Variants in CTNNA2 observed in about 807,000 individuals in gnomAD.
CTNNA2 encodes catenin alpha 2.
Under a neutral mutation model 101.0 loss-of-function variants are expected in CTNNA2, and 42 were observed. The observed-to-expected ratio is 0.42, with a 90% CI of 0.32 to 0.54. CTNNA2 has a LOEUF of 0.54. Among genes scored for constraint, CTNNA2 ranks in the 20% least tolerant of loss-of-function variants. The pLI is 0.14. For missense variants in CTNNA2, 871 were observed against 1,223.1 expected, an observed-to-expected ratio of 0.71 and a Z score of 4.29; for synonymous variants, 450 against 456.4, an observed-to-expected ratio of 0.99 and a Z score of 0.18.
At chr2:80,024,443 G>A (rs1266726740) in intron 7 of CTNNA2, among the ~76,000 whole-genome samples, 1 of 152,190 alleles carries the variant, frequency 6.6e-6, no homozygotes, top group Non-Finnish European at 1.5e-5. Flanking sequence ...GGGGTGTCAG[G>A]CAGAGGGCAC....
At chr2:79,570,956 G>A (rs773588575) in intron 1 of CTNNA2, among the ~76,000 whole-genome samples, 6 of 152,132 alleles carry the variant, frequency 3.9e-5, no homozygotes, top group Non-Finnish European at 5.9e-5. Flanking sequence ...TGATGTGCCT[G>A]CTATTGAGTT....
intron 2 of CTNNA2, among the ~76,000 whole-genome samples, chr2:79,292,008 A>G (rs958308931): frequency 2.2e-4 from 33 of 152,056 alleles, no homozygotes; most frequent in African/African-American, 7.7e-4. Context: ...TTTGGGGGGT[A>G]GAGCTCACCT....
chr2:79,428,205 C>G (rs1201464613), intron 4 of CTNNA2, among the ~76,000 whole-genome samples: 1 of 151,630 alleles, frequency 6.6e-6, no homozygotes, highest in Non-Finnish European at 1.5e-5. Context: ...CTTTGTGTTC[C>G]TTGATCCATG....
chr2:79,311,623 T>G (rs1209066415), intron 2 of CTNNA2, among the ~76,000 whole-genome samples: 1 of 152,042 alleles, frequency 6.6e-6, no homozygotes, highest in Non-Finnish European at 1.5e-5. Flanking sequence ...AATTCAGAGT[T>G]GACCCTTTCT....
intron 18 of CTNNA2, among the ~76,000 whole-genome samples, chr2:80,633,138 G>A (rs1489761899): frequency 1.3e-5 from 2 of 152,102 alleles, no homozygotes; most frequent in Non-Finnish European, 1.5e-5. Flanking sequence ...ATATGTATTA[G>A]GTTCTTATAA....
intron 4 of CTNNA2, among the ~76,000 whole-genome samples, chr2:79,449,679 T>C (rs1396515189): frequency 1.3e-5 from 2 of 152,036 alleles, no homozygotes. Flanking sequence ...AAACTTCCAT[T>C]TCTGTTTCAC....
intron 1 of CTNNA2, among the ~76,000 whole-genome samples, chr2:79,537,951 C>T (rs2103972009): frequency 6.6e-6 from 1 of 152,118 alleles, no homozygotes; most frequent in South Asian, 2.1e-4. Context: ...ACTTCAGTTT[C>T]CTTCATTTAG....
At chr2:80,125,714 C>T (rs1276401956) in intron 7 of CTNNA2, among the ~76,000 whole-genome samples, 1 of 152,170 alleles carries the variant, frequency 6.6e-6, no homozygotes, top group Non-Finnish European at 1.5e-5. Flanking sequence ...GCCATTTCTG[C>T]TCTAGTGCCT....
intron 11 of CTNNA2, among the ~76,000 whole-genome samples, chr2:80,551,526 T>C (rs768795018): frequency 2.6e-5 from 4 of 152,246 alleles, no homozygotes; most frequent in African/African-American, 7.2e-5. Flanking sequence ...ACAGGTTCTA[T>C]CTACATCAGC....
chr2:80,452,352 A>G (rs574280304), intron 9 of CTNNA2, among the ~76,000 whole-genome samples: 2 of 151,812 alleles, frequency 1.3e-5, no homozygotes, highest in African/African-American at 4.9e-5. Flanking sequence ...GGTACCATAA[A>G]CATGGATGAG....
intron 3 of CTNNA2, among the ~76,000 whole-genome samples, chr2:79,813,631 T>C (rs1677223562): frequency 6.6e-6 from 1 of 152,116 alleles, no homozygotes; most frequent in African/African-American, 2.4e-5. Context: ...GAGGTCTGGA[T>C]TGGTGGTACA....
At chr2:80,371,666 G>C (rs1170864530) in intron 7 of CTNNA2, among the ~76,000 whole-genome samples, 4 of 151,806 alleles carry the variant, frequency 2.6e-5, no homozygotes, top group African/African-American at 9.7e-5. Flanking sequence ...CAATGTTATT[G>C]AATAAAATGA....
intron 6 of CTNNA2, among the ~76,000 whole-genome samples, chr2:79,905,122 A>G (rs1013527881): frequency 1.3e-5 from 2 of 152,132 alleles, no homozygotes; most frequent in African/African-American, 4.8e-5. Flanking sequence ...ATGCATTCCA[A>G]TTGCCACTCC....
rs921144323 is a variant in CTNNA2, at chr2:79,417,325, T to C, written c.-135+43312T>C. On this transcript the variant is annotated intron_variant, in intron 4 of 21. Coordinates refer to the CTNNA2 transcript ENST00000466387. Reference sequence around the variant, plus strand: ...ACTGGGAATAAAAACATTACTAAGATTGGAAGCAAATCTTTTTGTAAGATT... The same window carrying C: ...ACTGGGAATAAAAACATTACTAAGACTGGAAGCAAATCTTTTTGTAAGATT... Among the ~76,000 whole-genome samples the C allele has an allele frequency of 2.0e-5, 3 of 152,130 alleles. No individual in the cohort carries two copies. In the East Asian group the frequency reaches 5.8e-4, roughly 29 times the overall value.
At chr2:80,623,266 A>G (rs1445798566) in intron 18 of CTNNA2, among the ~76,000 whole-genome samples, 1 of 151,858 alleles carries the variant, frequency 6.6e-6, no homozygotes, top group Non-Finnish European at 1.5e-5. Flanking sequence ...TAGAATTAGC[A>G]TGGAAAACAA....
intron 4 of CTNNA2, among the ~76,000 whole-genome samples, chr2:79,414,604 T>C (rs1678455964): frequency 6.6e-6 from 1 of 152,138 alleles, no homozygotes; most frequent in South Asian, 2.1e-4. Flanking sequence ...GACCTTGAGT[T>C]GTGGCAGGCT....
intron 4 of CTNNA2, among the ~76,000 whole-genome samples, chr2:79,467,945 C>A (rs1573180042): frequency 6.6e-6 from 1 of 152,126 alleles, no homozygotes; most frequent in Non-Finnish European, 1.5e-5. Context: ...TAAAGACCAT[C>A]AATGCTAAGA....
intron 2 of CTNNA2, among the ~76,000 whole-genome samples, chr2:79,677,519 A>C (rs1683267291): frequency 6.6e-6 from 1 of 152,196 alleles, no homozygotes; most frequent in Non-Finnish European, 1.5e-5. Flanking sequence ...ACACACGTTA[A>C]TATTTTAAAC....
chr2:80,043,077 TTCTTTCTTTCTTTCTTTCTCTC>T (rs1364791077), intron 7 of CTNNA2, among the ~76,000 whole-genome samples: 570 of 52,882 alleles, frequency 0.011, 5 homozygotes, highest in African/African-American at 0.04. Flanking sequence ...CTTTCTTTCT[TTCTTTCTTTCTTTCTTTCTCTC>T]TCTCTCTCTC....
Sources: gnomAD v4.1 joint callset for allele counts (sites outside exome capture counted in the v4.1 genomes callset) on GRCh38, gnomAD v4.1.1 for gene constraint, MANE v1.5 for transcripts, NCBI Gene and HGNC (gene_info 2026-07-23, HGNC 2026-07-21) for gene names.